The following CCT6B variants were observed in gnomAD, a reference collection of about 807,000 sequenced individuals.
CCT6B encodes chaperonin containing TCP1 subunit 6B, also known as probable T-complex protein 1 subunit zeta-2.
Under a neutral mutation model 61.5 loss-of-function variants are expected in CCT6B, and 49 were observed. The observed-to-expected ratio is 0.80, with a 90% CI of 0.63 to 1.01. CCT6B has a LOEUF of 1.01. Among genes scored for constraint, CCT6B ranks in the 50% least tolerant of loss-of-function variants. The probability of loss-of-function intolerance (pLI) is 0.00; values close to 1 mark genes in which losing one functional copy is unlikely to be tolerated. For missense variants in CCT6B, 666 were observed against 634.7 expected (o/e 1.05, Z -0.53); for synonymous variants, 228 against 214.5 (o/e 1.06, Z -0.55).
intron 4 of CCT6B, among the ~76,000 whole-genome samples, chr17:34,953,680 T>C (rs2142175634): frequency 6.6e-6 from 1 of 152,178 alleles, no homozygotes; most frequent in South Asian, 2.1e-4. Flanking sequence ...TGGCCAGATG[T>C]GGTGACTTCA....
chr17:34,934,309 T>A (rs1474574670), intron 10 of CCT6B, among the ~76,000 whole-genome samples: 3 of 152,166 alleles, frequency 2.0e-5, no homozygotes, highest in Non-Finnish European at 4.4e-5. Context: ...ATGAATATTA[T>A]GATCGACTTT....
intron 5 of CCT6B, among the ~76,000 whole-genome samples, chr17:34,946,902 CAA>C (rs544851819): frequency 5.9e-5 from 9 of 152,116 alleles, no homozygotes; most frequent in Admixed American, 1.3e-4. Flanking sequence ...TGAAAGGAAG[CAA>C]AAGAGGGGCT....
chr17:34,941,500 T>G (rs2090163196), intron 7 of CCT6B, among the ~76,000 whole-genome samples: 1 of 152,224 alleles, frequency 6.6e-6, no homozygotes, highest in South Asian at 2.1e-4. Context: ...ACATGGCAGA[T>G]ACAAGTTTTC....
intron 10 of CCT6B, among the ~76,000 whole-genome samples, chr17:34,936,241 G>A (rs556843941): frequency 9.9e-5 from 15 of 152,198 alleles, no homozygotes; most frequent in South Asian, 8.3e-4. Context: ...GAGCCACCAC[G>A]ACCAGCCTGG....
chr17:34,939,610 TACTC>T lies in CCT6B; in HGVS notation c.1065+3_1065+6del. ...ACTTTATAACCACTGTTCATAGAAA[TACTC>T]ACTAATGTATACTCATACACAAGAC... On this transcript the variant is annotated splice_donor_5th_base_variant and intron_variant, in intron 9 of 13. Transcript: ENST00000314144. 1 of 1,537,962 alleles carries T rather than the reference TACTC, an allele frequency of 6.5e-7. No individual in the cohort carries two copies. Among genetic ancestry groups the T allele is most frequent in the Non-Finnish European group, 9.0e-7 (1 of 1,110,940 alleles).
chr17:34,947,848 G>T (rs1255085203), intron 5 of CCT6B, among the ~76,000 whole-genome samples: 1 of 151,864 alleles, frequency 6.6e-6, no homozygotes, highest in Non-Finnish European at 1.5e-5. Flanking sequence ...TGGGTGTGGT[G>T]GTGCACGCCT....
At chr17:34,948,794 G>A (rs1186690018) in intron 5 of CCT6B, among the ~76,000 whole-genome samples, 1 of 151,840 alleles carries the variant, frequency 6.6e-6, no homozygotes, top group Non-Finnish European at 1.5e-5. Flanking sequence ...AGCACTTTGG[G>A]AGGCCAAGCA....
chr17:34,937,868 AT>A (rs963017136), intron 10 of CCT6B, among the ~76,000 whole-genome samples: 60 of 149,912 alleles, frequency 4.0e-4, no homozygotes, highest in East Asian at 2.1e-3. Flanking sequence ...ACTAACACAA[AT>A]TTTTTTCTTT....
At chr17:34,951,923 T>C in intron 5 of CCT6B, 27 bp downstream of exon 5, 1 of 1,116,906 alleles carries the variant, frequency 9.0e-7, no homozygotes, top group South Asian at 1.4e-5. Context: ...CTAGAACCCA[T>C]ATGTTGTCAA....
intron 10 of CCT6B, among the ~76,000 whole-genome samples, chr17:34,936,933 G>A (rs1031165196): frequency 6.6e-6 from 1 of 151,984 alleles, no homozygotes; most frequent in Non-Finnish European, 1.5e-5. Context: ...CGGGAGGATC[G>A]CTTGAGCCCA....
At chr17:34,943,351 C>T (rs980870582) in intron 5 of CCT6B, 1 of 152,518 alleles carries the variant, frequency 6.6e-6, no homozygotes, top group Non-Finnish European at 1.5e-5. Context: ...GGTACGTATA[C>T]AATGAGTTTC....
At chr17:34,952,437 AGGACACCTTAAT>A (rs1412793422) in intron 4 of CCT6B, among the ~76,000 whole-genome samples, 1 of 152,212 alleles carries the variant, frequency 6.6e-6, no homozygotes, top group Non-Finnish European at 1.5e-5. Flanking sequence ...TTTCCACCAA[AGGACACCTTAAT>A]GGAAAAGAAG....
chr17:34,942,942 A>G, intron 5 of CCT6B, 36 bp from the exon 6 acceptor site: 1 of 1,164,708 alleles, frequency 8.6e-7, no homozygotes, highest in Non-Finnish European at 1.2e-6. Flanking sequence ...CTTTGAATAT[A>G]TACTCTAAAA....
At chr17:34,957,143 A>AT (rs57459236) in intron 3 of CCT6B, among the ~76,000 whole-genome samples, 4,878 of 102,272 alleles carry the variant, frequency 0.048, 361 homozygotes, top group African/African-American at 0.17. Context: ...TTTTCTTTCC[A>AT]TTTTTTTTTT....
Position 34,939,670 on chromosome 17 carries a change from C to A in CCT6B, c.1012G>T (p.Asp338Tyr), listed in dbSNP as rs1476849972. 1 of 1,613,512 alleles carries A rather than the reference C, an allele frequency of 6.2e-7. No homozygotes were observed. The highest frequency in any genetic ancestry group is 2.2e-5 in the East Asian group (1 of 44,816). Residue 338 changes from aspartate to tyrosine, a missense_variant, in exon 9 of 14, where the codon GAT (aspartate) becomes TAT (tyrosine). Coordinates refer to ENST00000314144, the MANE Select transcript of CCT6B (RefSeq NM_006584.4). ...CGGMAVNSFE[D>Y]LTVDCLGHAG... is the part of the protein sequence containing the mutation. ...TGTCCCAAGCAATCTACAGTGAGAT[C>A]TTCAAAAGAATTCACGGCCATTCCA...
intron 5 of CCT6B, among the ~76,000 whole-genome samples, chr17:34,950,600 G>A (rs1202666776): frequency 1.3e-5 from 2 of 152,154 alleles, no homozygotes; most frequent in Non-Finnish European, 2.9e-5. Context: ...CAAAAAATAA[G>A]TAGAAAACCT....
intron 10 of CCT6B, among the ~76,000 whole-genome samples, chr17:34,935,336 G>A (rs2090081781): frequency 6.6e-6 from 1 of 152,136 alleles, no homozygotes; most frequent in African/African-American, 2.4e-5. Context: ...GGTGATAATG[G>A]TTAGACAACA....
intron 12 of CCT6B, among the ~76,000 whole-genome samples, chr17:34,930,556 A>C (rs2090024192): frequency 6.6e-6 from 1 of 152,104 alleles, no homozygotes; most frequent in Non-Finnish European, 1.5e-5. Context: ...CCAACCCTTT[A>C]AGCTGTCATT....
In CCT6B at chr17:34,929,045, A is replaced by G; in HGVS notation, c.1451-11T>C. On this transcript the variant is annotated splice_polypyrimidine_tract_variant and intron_variant, in intron 12 of 13. Coordinates refer to ENST00000314144, the MANE Select transcript of CCT6B (RefSeq NM_006584.4). ...CTACCATTGGCTCACCTGAAAAGTA[A>G]AAACAATTTTCATACCAAAATCTTA... 1.3e-6 allele frequency: 2 copies of G among 1,563,190 alleles called. No homozygotes were observed. Among genetic ancestry groups the G allele is most frequent in the Non-Finnish European group, 1.8e-6 (2 of 1,137,668 alleles).
Sources: gnomAD v4.1 joint callset for allele counts (sites outside exome capture counted in the v4.1 genomes callset) on GRCh38, gnomAD v4.1.1 for gene constraint, MANE v1.5 for transcripts, NCBI Gene and HGNC (gene_info 2026-07-23, HGNC 2026-07-21) for gene names.